Variants in ADAMTSL5 observed in about 807,000 individuals in gnomAD.
ADAMTSL5 encodes the protein ADAMTS-like protein 5.
Under a neutral mutation model 51.7 loss-of-function variants are expected in ADAMTSL5, and 53 were observed. The observed-to-expected ratio is 1.03, with a 90% CI of 0.82 to 1.29. The LOEUF is 1.29. Among genes scored for constraint, ADAMTSL5 ranks in the 50% most tolerant of loss-of-function variants. The pLI, the probability that ADAMTSL5 is intolerant of heterozygous loss-of-function variation, is 0.00. For missense variants in ADAMTSL5, 770 were observed against 676.2 expected (o/e 1.14, Z -1.54); for synonymous variants, 285 against 278.7 (o/e 1.02, Z -0.23).
rs140237789 is a variant in ADAMTSL5, at chr19:1,506,632, C to T, written c.1072G>A (p.Gly358Ser). 1.7e-5 allele frequency: 27 copies of T among 1,605,418 alleles called. No individual in the cohort carries two copies. The highest frequency in any genetic ancestry group is 4.1e-5 in the African/African-American group (3 of 73,994). Residue 358 changes from glycine to serine, a missense_variant, in exon 11 of 12, where the codon GGC becomes AGC. Gly to Ser is a moderately conservative substitution (Grantham distance 56, BLOSUM62 0). Transcript: ENST00000330475. This position sits in a 1 kb window ranked among gnomAD's most constrained non-coding sequence, Gnocchi z 5.6. ...TAGTGGAGTAGTCGGTGGGCGCGGC[C>T]GCGGGTGTCAGGGCAGGGTGGGCAG... ...DPCPPCPDTR[G>S]RAHRLLHYCG...
chr19:1,508,202 G>T, intron 6 of ADAMTSL5, 93 bp from the exon 7 acceptor site: 1 of 1,396,816 alleles, frequency 7.2e-7, no homozygotes, highest in Non-Finnish European at 9.8e-7. Context: ...GACGAGGCCT[G>T]GAGGGAAGAT....
At position 1,510,263 on chromosome 19, in the gene ADAMTSL5, GGACAGA is replaced by G; in HGVS notation, c.253-11_253-6del. ...CACAGCCCCTGGGGGGCAGTCCTAG[GGACAGA>G]GATAGGTGAGCCAGAGGCTGGGACA... is the stretch of plus-strand genomic sequence containing the variant. On this transcript the variant is annotated splice_polypyrimidine_tract_variant and splice_region_variant and intron_variant, in intron 4 of 11. Coordinates refer to ENST00000330475, the MANE Select transcript of ADAMTSL5 (RefSeq NM_213604.3). 2 of 1,613,354 alleles carry G rather than the reference GGACAGA, an allele frequency of 1.2e-6. No homozygotes were observed. The highest frequency in any genetic ancestry group is 1.7e-6 in the Non-Finnish European group (2 of 1,179,778).
chr19:1,505,885 T>G lies in ADAMTSL5; in HGVS notation c.*130A>C. ...TGTCTTAAGCGTGTGTGGGAGGGAG[T>G]CACATAGCTGCACAGGTGGGACGTA... On this transcript the variant is annotated 3_prime_UTR_variant, in exon 12 of 12. Transcript: ENST00000330475. The G allele has an allele frequency of 8.3e-7, 1 of 1,199,526 alleles. No individual in the cohort carries two copies. The highest frequency in any genetic ancestry group is 1.1e-6 in the Non-Finnish European group (1 of 892,992). The allele number at this position is 1,199,526 out of a possible 1,614,324, so 74.3% of individuals were successfully genotyped here.
rs1325807109 is a variant in ADAMTSL5, at chr19:1,508,457, C to G, written c.475G>C (p.Ala159Pro). 6.4e-7 allele frequency: 1 copy of G among 1,564,990 alleles called. No homozygotes were observed. The highest frequency in any genetic ancestry group is 1.2e-5 in the South Asian group (1 of 85,916). Residue 159 changes from alanine to proline, a missense_variant, in exon 6 of 12, where the codon GCT becomes CCT. Physicochemically the swap from Ala to Pro is conservative, Grantham distance 27. Coordinates refer to ENST00000330475, the MANE Select transcript of ADAMTSL5 (RefSeq NM_213604.3). The stretch of plus-strand genomic sequence containing the variant: ...CGAGTCCTTACAAGGCAGCGGCCAG[C>G]CACGCAGACCCCCTGGGCACCCGGG... ...CSPGAQGVCV[A>P]GRCLSAGCDG...
Position 1,510,275 on chromosome 19 carries a change from G to A in ADAMTSL5, c.253-17C>T, listed in dbSNP as rs753613108. ...GGGGCAGTCCTAGGGACAGAGATAG[G>A]TGAGCCAGAGGCTGGGACAACCCCA... is the stretch of plus-strand genomic sequence containing the variant. On this transcript the variant is annotated splice_polypyrimidine_tract_variant and intron_variant, in intron 4 of 11. Coordinates refer to ENST00000330475, the MANE Select transcript of ADAMTSL5 (RefSeq NM_213604.3). 2 of 1,612,976 alleles carry A rather than the reference G, an allele frequency of 1.2e-6. No homozygotes were observed. The highest frequency in any genetic ancestry group is 1.7e-6 in the Non-Finnish European group (2 of 1,179,586).
chr19:1,507,619 ACGTTCCAGTACC>A lies in ADAMTSL5; in HGVS notation c.614_625del (p.Gly205_Asn208del), dbSNP rs768160527. On this transcript the variant is annotated inframe_deletion, in exon 8 of 12. Coordinates refer to ENST00000330475, the MANE Select transcript of ADAMTSL5 (RefSeq NM_213604.3). ...TCTGGCGCCCTCGGGGATCAGGGTC[ACGTTCCAGTACC>A]CAGCGAAGGCACCTGGGTGGGAGGG... 1 of 1,613,528 alleles carries A rather than the reference ACGTTCCAGTACC, an allele frequency of 6.2e-7. No homozygotes were observed. Among genetic ancestry groups the A allele is most frequent in the South Asian group, 1.1e-5 (1 of 91,086 alleles).
chr19:1,508,317 G>A (rs1368849818), intron 6 of ADAMTSL5, 126 bp downstream of exon 6: 9 of 1,303,234 alleles, frequency 6.9e-6, no homozygotes, highest in Admixed American at 5.6e-5. Flanking sequence ...GGAAGGGGAG[G>A]GGGAAGGCGG....
chr19:1,508,313 G>T, intron 6 of ADAMTSL5, 130 bp downstream of exon 6: 5 of 1,290,910 alleles, frequency 3.9e-6, no homozygotes, highest in Non-Finnish European at 5.2e-6. Flanking sequence ...GCCTGGAAGG[G>T]GAGGGGGAAG....
At position 1,510,748 on chromosome 19, in the gene ADAMTSL5, G is replaced by C. The variant is rs777934530; in HGVS notation, c.100-18C>G. ...CCCGGACCCTACTTGGGGAGACAGA[G>C]GCACGGTCAGCCTTGTAGGGGGACG... On this transcript the variant is annotated intron_variant, in intron 2 of 11. Coordinates refer to ENST00000330475, the MANE Select transcript of ADAMTSL5 (RefSeq NM_213604.3). 6.5e-7 allele frequency: 1 copy of C among 1,527,746 alleles called. No homozygotes were observed. The highest frequency in any genetic ancestry group is 2.1e-5 in the Admixed American group (1 of 47,966). 94.6% of individuals were successfully genotyped at this position (1,527,746 alleles called of 1,614,324 possible).
At chr19:1,507,859 G>A (rs1031701762) in intron 7 of ADAMTSL5, 139 bp downstream of exon 7, 29 of 1,055,980 alleles carry the variant, frequency 2.7e-5, no homozygotes, top group Non-Finnish European at 3.4e-5. Context: ...GGGACAATCT[G>A]TCAGTAGCCA....
chr19:1,507,764 C>T (rs1665588652), intron 7 of ADAMTSL5, 121 bp from the exon 8 acceptor site: 3 of 1,101,130 alleles, frequency 2.7e-6, no homozygotes, highest in Admixed American at 4.1e-5. Flanking sequence ...ACCGGAAAAC[C>T]CTCCGTAAAC....
chr19:1,507,005 C>T, intron 9 of ADAMTSL5, 77 bp from the exon 10 acceptor site: 1 of 1,439,258 alleles, frequency 6.9e-7, no homozygotes. Context: ...ACGACCCCAG[C>T]CTCCCCACTT....
intron 9 of ADAMTSL5, 119 bp downstream of exon 9, chr19:1,507,123 C>T: frequency 1.4e-6 from 2 of 1,380,944 alleles, no homozygotes; most frequent in Non-Finnish European, 1.9e-6. Flanking sequence ...CAGCCTCTCC[C>T]CTCTGACCCC....
intron 1 of ADAMTSL5, among the ~76,000 whole-genome samples, chr19:1,512,094 A>G (rs265290): frequency 0.84 from 127,818 of 152,150 alleles, 54,171 homozygotes; most frequent in Admixed American, 0.9. Flanking sequence ...AGGGGGAAAG[A>G]GGGGGGAAGG....
chr19:1,509,357 G>A (rs576994912), intron 5 of ADAMTSL5, among the ~76,000 whole-genome samples: 22 of 149,122 alleles, frequency 1.5e-4, no homozygotes, highest in Admixed American at 2.7e-4. Context: ...ACTGAGTCCC[G>A]CACAACTGAG....
In ADAMTSL5 at chr19:1,508,528, G is replaced by A; in HGVS notation, c.404C>T (p.Ala135Val). The change falls in exon 6 of 12, where the codon GCC becomes GTC. Residue 135 changes from alanine (A) to valine (V), a missense_variant. Coordinates refer to ENST00000330475, the MANE Select transcript of ADAMTSL5 (RefSeq NM_213604.3). ...GACGCGGCCGAAGCTGTGGTAGAAG[G>A]CGTGCCCCTCAGCCAGGCAGTTGAG... ...CDLNCLAEGH[A>V]FYHSFGRVLD... The A allele has an allele frequency of 6.3e-7, 1 of 1,584,570 alleles. No individual in the cohort carries two copies. Among genetic ancestry groups the A allele is most frequent in the Non-Finnish European group, 8.5e-7 (1 of 1,172,702 alleles).
chr19:1,506,764 A>T lies in ADAMTSL5; in HGVS notation c.1017T>A (p.Pro339=), dbSNP rs1386310912. 15 of 1,552,284 alleles carry T rather than the reference A, an allele frequency of 9.7e-6. No homozygotes were observed. The change falls in exon 10 of 12, where the codon CCT becomes CCA. Residue 339 remains proline (P), a synonymous_variant. Coordinates refer to ENST00000330475, the MANE Select transcript of ADAMTSL5 (RefSeq NM_213604.3). This position sits in a 1 kb window ranked among gnomAD's most constrained non-coding sequence, Gnocchi z 5.6. ...PQPPAAPAVT[P]AQTPTLAPDP... is the part of the protein sequence containing the mutation. Reference sequence around the variant, plus strand: ...CTGGGGCCAGCGTTGGGGTCTGTGCAGGGGTGACAGCAGGGGCTGCGGGGG... The same window carrying T: ...CTGGGGCCAGCGTTGGGGTCTGTGCTGGGGTGACAGCAGGGGCTGCGGGGG...
chr19:1,507,909 C>G, intron 7 of ADAMTSL5, 89 bp downstream of exon 7: 1 of 1,390,728 alleles, frequency 7.2e-7, no homozygotes, highest in South Asian at 1.3e-5. Flanking sequence ...CGCACACTGG[C>G]CAATCAGCAC....
At chr19:1,512,406 T>C (rs1292656712) in intron 1 of ADAMTSL5, among the ~76,000 whole-genome samples, 3 of 151,568 alleles carry the variant, frequency 2.0e-5, no homozygotes. Context: ...GGGGGCCAGG[T>C]GCGGTGGCTC....
Sources: allele counts gnomAD v4.1 joint callset (sites outside exome capture counted in the v4.1 genomes callset), GRCh38; gene constraint gnomAD v4.1.1; non-coding constraint Gnocchi (gnomAD v3.1); transcripts MANE v1.5; gene names NCBI Gene and HGNC (gene_info 2026-07-23, HGNC 2026-07-21).